Variants in PLA2G4A observed in about 807,000 individuals in gnomAD.
The protein encoded by PLA2G4A is cytosolic phospholipase A2.
Under a neutral mutation model 81.9 loss-of-function variants are expected in PLA2G4A, and 40 were observed. The ratio of observed to expected loss-of-function variants is 0.49; its 90% CI spans 0.38 to 0.64. PLA2G4A has a LOEUF of 0.64. PLA2G4A is among the 30% of genes least tolerant of loss of function. The pLI is 0.00. For synonymous variants in PLA2G4A, 302 were observed against 296.9 expected, an observed-to-expected ratio of 1.02 and a Z score of -0.18; for missense variants, 715 against 905.1, an observed-to-expected ratio of 0.79 and a Z score of 2.69.
intron 1 of PLA2G4A, among the ~76,000 whole-genome samples, chr1:186,841,913 G>A (rs1286553083): frequency 2.8e-5 from 4 of 144,532 alleles, no homozygotes; most frequent in African/African-American, 1.0e-4. Context: ...TAGAATGTGT[G>A]TATGTATATG....
intron 3 of PLA2G4A, among the ~76,000 whole-genome samples, chr1:186,887,995 C>T (rs1244743226): frequency 1.3e-5 from 2 of 152,220 alleles, no homozygotes; most frequent in Non-Finnish European, 2.9e-5. Flanking sequence ...ATTGCAAAAT[C>T]AAAGTGTGCA....
chr1:186,857,227 TCTGGCAAGAC>T, intron 2 of PLA2G4A, among the ~76,000 whole-genome samples: 1 of 38,480 alleles, frequency 2.6e-5, no homozygotes, highest in Non-Finnish European at 5.3e-5. Context: ...CACCAGATCA[TCTGGCAAGAC>T]ACATGTGGGG....
intron 2 of PLA2G4A, among the ~76,000 whole-genome samples, chr1:186,857,437 A>G (rs1255969091): frequency 7.6e-6 from 1 of 130,766 alleles, no homozygotes; most frequent in Admixed American, 9.4e-5. Flanking sequence ...TACTATATAA[A>G]TATATAATAT....
chr1:186,898,883 A>G (rs2102126407), intron 5 of PLA2G4A, among the ~76,000 whole-genome samples: 1 of 152,332 alleles, frequency 6.6e-6, no homozygotes, highest in East Asian at 1.9e-4. Flanking sequence ...GTGTGCAGTG[A>G]GTCATAAGAA....
chr1:186,848,416 G>A (rs1473328573), intron 1 of PLA2G4A, among the ~76,000 whole-genome samples: 3 of 152,098 alleles, frequency 2.0e-5, no homozygotes, highest in Non-Finnish European at 4.4e-5. Flanking sequence ...AGAAGTCAAT[G>A]ACTTCATCCC....
chr1:186,837,320 C>T (rs1006998630), intron 1 of PLA2G4A, among the ~76,000 whole-genome samples: 1 of 151,946 alleles, frequency 6.6e-6, no homozygotes, highest in Non-Finnish European at 1.5e-5. Context: ...AGCAAATAAC[C>T]CTTCAGAGAA....
At chr1:186,970,939 G>A (rs7547156) in intron 15 of PLA2G4A, among the ~76,000 whole-genome samples, 84,491 of 151,360 alleles carry the variant, frequency 0.56, 24,940 homozygotes, top group East Asian at 0.75. Flanking sequence ...TTCTATTTCT[G>A]TAAAGAATGT....
At chr1:186,954,666 C>CT (rs11375182) in intron 13 of PLA2G4A, among the ~76,000 whole-genome samples, 145,628 of 152,034 alleles carry the variant, frequency 0.96, 69,789 homozygotes, top group East Asian at 1. Flanking sequence ...TATAGAATCT[C>CT]TTTTTTCTCT....
At chr1:186,909,638 C>A (rs1319279141) in intron 6 of PLA2G4A, among the ~76,000 whole-genome samples, 3 of 112,698 alleles carry the variant, frequency 2.7e-5, no homozygotes, top group Admixed American at 1.2e-4. Flanking sequence ...CCAGCCTGGG[C>A]AACAGGAGCG....
chr1:186,923,479 A>T (rs1261968534), intron 7 of PLA2G4A, among the ~76,000 whole-genome samples: 1 of 152,258 alleles, frequency 6.6e-6, no homozygotes, highest in Non-Finnish European at 1.5e-5. Context: ...GCTAGGCACT[A>T]GAGAAGAATA....
intron 14 of PLA2G4A, among the ~76,000 whole-genome samples, chr1:186,959,149 T>C (rs1165173088): frequency 2.6e-5 from 4 of 152,032 alleles, no homozygotes; most frequent in Non-Finnish European, 5.9e-5. Context: ...TGAGTACTTA[T>C]AATGTGCTTG....
intron 13 of PLA2G4A, among the ~76,000 whole-genome samples, chr1:186,955,671 C>G (rs781775167): frequency 2.9e-4 from 43 of 149,140 alleles, no homozygotes; most frequent in Non-Finnish European, 5.6e-4. Context: ...GGCAAATACA[C>G]ATGTTAAACC....
intron 10 of PLA2G4A, among the ~76,000 whole-genome samples, chr1:186,944,287 T>C (rs1656260341): frequency 6.6e-6 from 1 of 152,112 alleles, no homozygotes; most frequent in African/African-American, 2.4e-5. Context: ...GAGAATTAGT[T>C]GAAAACTAAC....
At chr1:186,843,377 C>T (rs1292429942) in intron 1 of PLA2G4A, among the ~76,000 whole-genome samples, 1 of 152,142 alleles carries the variant, frequency 6.6e-6, no homozygotes, top group East Asian at 1.9e-4. Context: ...GACAAGAGCA[C>T]ATTTATGATC....
chr1:186,907,578 G>T (rs1363094651), intron 6 of PLA2G4A, among the ~76,000 whole-genome samples: 1 of 152,114 alleles, frequency 6.6e-6, no homozygotes, highest in African/African-American at 2.4e-5. Context: ...TGATCTAACT[G>T]TTCTCTGATG....
chr1:186,954,768 G>GA (rs893766808), intron 13 of PLA2G4A, among the ~76,000 whole-genome samples: 1 of 151,718 alleles, frequency 6.6e-6, no homozygotes, highest in Non-Finnish European at 1.5e-5. Flanking sequence ...CTAGAAATCA[G>GA]AAAAAAACGG....
chr1:186,847,157 A>G (rs894529873), intron 1 of PLA2G4A, among the ~76,000 whole-genome samples: 1 of 151,842 alleles, frequency 6.6e-6, no homozygotes, highest in Non-Finnish European at 1.5e-5. Flanking sequence ...TTTTATATTA[A>G]CCTACCTATT....
At chr1:186,843,439 C>A (rs1384775773) in intron 1 of PLA2G4A, among the ~76,000 whole-genome samples, 1 of 152,168 alleles carries the variant, frequency 6.6e-6, no homozygotes, top group Non-Finnish European at 1.5e-5. Flanking sequence ...GCTTATTCAT[C>A]CTTCAGTCAA....
intron 10 of PLA2G4A, among the ~76,000 whole-genome samples, chr1:186,941,255 C>T (rs1424676628): frequency 6.6e-6 from 1 of 152,108 alleles, no homozygotes; most frequent in African/African-American, 2.4e-5. Flanking sequence ...ACTTCAGACA[C>T]CCCATGAGCT....
Sources: allele counts gnomAD v4.1 joint callset (sites outside exome capture counted in the v4.1 genomes callset), GRCh38; gene constraint gnomAD v4.1.1; transcripts MANE v1.5; gene names NCBI Gene and HGNC (gene_info 2026-07-23, HGNC 2026-07-21).